NFKBIB: variants seen among roughly 807,000 people sequenced by gnomAD.
The protein encoded by NFKBIB is NFKB inhibitor beta.
NFKBIB carries 16 observed loss-of-function variants against 32.1 expected under a neutral mutation model. The ratio of observed to expected loss-of-function variants is 0.50; its 90% confidence interval spans 0.34 to 0.76. The LOEUF is 0.76. Among genes scored for constraint, NFKBIB ranks in the 30% least tolerant of loss-of-function variants. NFKBIB has a pLI of 0.01. For synonymous variants in NFKBIB, 222 were observed against 219.5 expected, an observed-to-expected ratio of 1.01 and a Z score of -0.10; for missense variants, 437 against 514.9, an observed-to-expected ratio of 0.85 and a Z score of 1.46.
chr19:38,899,850 T>C, upstream of NFKBIB: 2 of 731,162 alleles, frequency 2.7e-6, no homozygotes, highest in African/African-American at 1.8e-5. Context: ...GTTGTAGTCC[T>C]CCCGAATACT....
intron 5 of NFKBIB, chr19:38,908,208 G>A (rs1456188678): frequency 2.0e-6 from 2 of 993,314 alleles, no homozygotes; most frequent in East Asian, 1.1e-4. Flanking sequence ...ACTCTGGAGT[G>A]GCGGCTGGCT....
chr19:38,907,531 G>A lies in NFKBIB; in HGVS notation c.841G>A (p.Ala281Thr). ...MYGGRTPLGS[A>T]MLRPNPILAR... ...CGGTGGCCGCACCCCACTCGGCAGT[G>A]CCATGCTCCGGCCCAACCCCATCCT... Residue 281 changes from alanine to threonine, a missense_variant, in exon 5 of 6, where the codon GCC becomes ACC. Coordinates refer to ENST00000313582, the MANE Select transcript of NFKBIB (RefSeq NM_002503.5). 6.2e-7 allele frequency: 1 copy of A among 1,612,618 alleles called. No homozygotes were observed. The highest frequency in any genetic ancestry group is 8.5e-7 in the Non-Finnish European group (1 of 1,179,752).
At chr19:38,902,098 T>TTTTTTTTTTTTTTTTTTTTC (rs56689256) in intron 1 of NFKBIB, among the ~76,000 whole-genome samples, 1 of 141,216 alleles carries the variant, frequency 7.1e-6, no homozygotes, top group Non-Finnish European at 1.5e-5. Flanking sequence ...TTTTTTTTTT[T>TTTTTTTTTTTTTTTTTTTTC]GAGATGGAGT....
intron 1 of NFKBIB, 100 bp from the exon 2 acceptor site, chr19:38,904,914 TG>T: frequency 9.5e-7 from 1 of 1,055,276 alleles, no homozygotes; most frequent in Non-Finnish European, 1.4e-6. Context: ...TCCAGAACTG[TG>T]GTCACAAGGC....
chr19:38,905,429 C>T lies in NFKBIB; in HGVS notation c.513C>T (p.Asp171=). The T allele has an allele frequency of 1.2e-6, 2 of 1,614,022 alleles. No individual in the cohort carries two copies. Among genetic ancestry groups the T allele is most frequent in the East Asian group, 2.2e-5 (1 of 44,876 alleles). The part of the protein sequence containing the change: ...YLAQGPDRTP[D]TNHTPVALYP... ...CTCAGGGCCCTGACCGTACTCCCGA[C>T]ACCAACCATACCCCTGTCGCCTTGT... Residue 171 remains aspartate (D), a synonymous_variant, in exon 3 of 6, where the codon GAC becomes GAT. Transcript: ENST00000313582. The surrounding 1 kb of genome is among the most constrained non-coding windows in gnomAD (Gnocchi z 5.5).
intron 1 of NFKBIB, among the ~76,000 whole-genome samples, chr19:38,902,871 C>A (rs528383193): frequency 6.6e-6 from 1 of 151,994 alleles, no homozygotes; most frequent in Admixed American, 6.6e-5. Context: ...GTCAGGAGAT[C>A]GAGACCATCC....
intron 1 of NFKBIB, among the ~76,000 whole-genome samples, chr19:38,900,894 G>C (rs990520525): frequency 6.6e-6 from 1 of 152,054 alleles, no homozygotes; most frequent in Non-Finnish European, 1.5e-5. Flanking sequence ...TAAATAAACA[G>C]ATTGATAAGA....
At chr19:38,902,076 A>ATTTTTTT (rs1444689459) in intron 1 of NFKBIB, among the ~76,000 whole-genome samples, 26 of 64,050 alleles carry the variant, frequency 4.1e-4, no homozygotes, top group Non-Finnish European at 7.5e-4. Flanking sequence ...AGTGTTTTTC[A>ATTTTTTT]TTTTATTTCT....
rs974101918 is a variant in NFKBIB, at chr19:38,900,074, T to A, written c.42T>A (p.Asp14Glu). The change falls in exon 1 of 6, where the codon GAT becomes GAA. Residue 14 changes from aspartate (D) to glutamate (E), a missense_variant. Coordinates refer to ENST00000313582, the MANE Select transcript of NFKBIB (RefSeq NM_002503.5). ...VACLGKAADA[D>E]EWCDSGLGSL... ...GCTTGGGAAAAGCTGCCGACGCAGA[T>A]GAATGGTGCGACAGCGGCCTGGGCT... 5 of 1,523,066 alleles carry A rather than the reference T, an allele frequency of 3.3e-6. No individual in the cohort carries two copies. The African/African-American group carries it at 7.0e-5, about 21-fold the overall frequency. The allele number at this position is 1,523,066 out of a possible 1,614,324, so 94.3% of individuals were successfully genotyped here. A position where few individuals can be genotyped will look rare whatever the true frequency, so the allele number is the denominator to read the frequency against.
chr19:38,907,009 A>C (rs1974147335), intron 3 of NFKBIB, among the ~76,000 whole-genome samples: 1 of 152,174 alleles, frequency 6.6e-6, no homozygotes, highest in South Asian at 2.1e-4. Context: ...CCCAGGCTTC[A>C]AACAACTCAG....
intron 4 of NFKBIB, 33 bp from the exon 5 acceptor site, chr19:38,907,366 G>C (rs552907277): frequency 3.8e-6 from 6 of 1,595,768 alleles, no homozygotes; most frequent in Non-Finnish European, 5.1e-6. Flanking sequence ...TCCCCTCTTC[G>C]GGCCCTCTGA....
intron 5 of NFKBIB, 52 bp from the exon 6 acceptor site, chr19:38,908,679 G>T: frequency 6.3e-7 from 1 of 1,575,524 alleles, no homozygotes; most frequent in South Asian, 1.2e-5. Flanking sequence ...CATGGGTGGT[G>T]GGCAAAGTGA....
chr19:38,904,998 C>A lies in NFKBIB; in HGVS notation c.180-17C>A. 1 of 1,612,692 alleles carries A rather than the reference C, an allele frequency of 6.2e-7. No individual in the cohort carries two copies. Among genetic ancestry groups the A allele is most frequent in the South Asian group, 1.1e-5 (1 of 90,980 alleles). ...AGGACTTGAACTTTGCCCTCTCACC[C>A]CGGTCTTTGTCCCCAGGGCACTGCA... On this transcript the variant is annotated splice_polypyrimidine_tract_variant and intron_variant, in intron 1 of 5. Transcript: ENST00000313582.
At position 38,905,596 on chromosome 19, in the gene NFKBIB, G is replaced by C. The variant is rs1317733711; in HGVS notation, c.619+61G>C. 1 of 1,357,324 alleles carries C rather than the reference G, an allele frequency of 7.4e-7. No homozygotes were observed. Among genetic ancestry groups the C allele is most frequent in the Admixed American group, 2.2e-5 (1 of 44,784 alleles). The allele number at this position is 1,357,324 out of a possible 1,614,324, so 84.1% of individuals were successfully genotyped here. A position where few individuals can be genotyped will look rare whatever the true frequency, so the allele number is the denominator to read the frequency against. On this transcript the variant is annotated intron_variant, in intron 3 of 5. Transcript: ENST00000313582. This position sits in a 1 kb window ranked among gnomAD's most constrained non-coding sequence, Gnocchi z 5.5. The stretch of plus-strand genomic sequence containing the variant: ...GGCTAGGCGAGAGCACCTGGCCCTG[G>C]GCTCAGCTTCCCTGATTTGAGACTG...
Position 38,907,598 on chromosome 19 carries a change from G to GCGAGGA in NFKBIB, c.913_918dup (p.Asp305_Glu306dup), listed in dbSNP as rs750317845. ...GCACACGGAGCCCCTGAGCCCGAGG[G>GCGAGGA]CGAGGACGAGAAATCCGGCCCCTGC... is the stretch of plus-strand genomic sequence containing the variant. On this transcript the variant is annotated inframe_insertion, in exon 5 of 6. Transcript: ENST00000313582. 1 of 1,611,968 alleles carries GCGAGGA rather than the reference G, an allele frequency of 6.2e-7. No homozygotes were observed. Among genetic ancestry groups the GCGAGGA allele is most frequent in the Non-Finnish European group, 8.5e-7 (1 of 1,179,460 alleles).
intron 4 of NFKBIB, 30 bp downstream of exon 4, chr19:38,907,339 C>T (rs199551325): frequency 4.3e-5 from 69 of 1,606,504 alleles, no homozygotes; most frequent in Middle Eastern, 1.7e-4. Flanking sequence ...AAGATGCCGT[C>T]GGCGGGAGGG....
upstream of NFKBIB, chr19:38,899,917 T>A: frequency 9.3e-7 from 1 of 1,073,702 alleles, no homozygotes; most frequent in Non-Finnish European, 1.3e-6. Context: ...CATATTATCA[T>A]TGGGTGAATC....
intron 3 of NFKBIB, among the ~76,000 whole-genome samples, chr19:38,906,441 GCCTGGGCAGGAA>G (rs768135147): frequency 2.4e-4 from 35 of 148,354 alleles, no homozygotes; most frequent in Non-Finnish European, 3.8e-4. Flanking sequence ...GAGCCACCGT[GCCTGGGCAGGAA>G]CCTTAATTTA....
intron 5 of NFKBIB, 87 bp downstream of exon 5, chr19:38,907,746 G>T (rs527877389): frequency 6.8e-7 from 1 of 1,466,914 alleles, no homozygotes; most frequent in Non-Finnish European, 9.1e-7. Flanking sequence ...ATTAGGCACC[G>T]ACCTTGGGCT....
Sources: allele counts gnomAD v4.1 joint callset (sites outside exome capture counted in the v4.1 genomes callset), GRCh38; gene constraint gnomAD v4.1.1; non-coding constraint Gnocchi (gnomAD v3.1); transcripts MANE v1.5; gene names NCBI Gene and HGNC (gene_info 2026-07-23, HGNC 2026-07-21).